Variants in THSD7A observed in about 807,000 individuals in gnomAD.
The protein encoded by THSD7A is thrombospondin type 1 domain containing 7A.
Under a neutral mutation model 231.3 loss-of-function variants are expected in THSD7A, and 96 were observed. The observed-to-expected ratio is 0.41, with a 90% CI of 0.35 to 0.49. The LOEUF (loss-of-function observed/expected upper bound fraction) is 0.49, where lower values mean the gene tolerates loss of function less well. THSD7A is among the 20% of genes least tolerant of loss of function. The probability of loss-of-function intolerance (pLI) is 0.05; values close to 1 mark genes in which losing one functional copy is unlikely to be tolerated. For missense variants in THSD7A, 2,290 were observed against 2,070.2 expected (o/e 1.11, Z -2.06); for synonymous variants, 940 against 743.3 (o/e 1.26, Z -4.30).
At chr7:11,397,477 A>G (rs145432951) in intron 23 of THSD7A, among the ~76,000 whole-genome samples, 2,424 of 152,328 alleles carry the variant, frequency 0.016, 25 homozygotes, top group Middle Eastern at 0.037. Flanking sequence ...AACCTAGGCA[A>G]TACTATTCAG....
At chr7:11,752,921 C>A (rs918710660) in intron 1 of THSD7A, among the ~76,000 whole-genome samples, 1 of 94,596 alleles carries the variant, frequency 1.1e-5, no homozygotes, top group African/African-American at 4.3e-5. Flanking sequence ...AGTGAGAGAC[C>A]CTGTCTCAGT....
At chr7:11,630,101 C>T (rs984806663) in intron 2 of THSD7A, among the ~76,000 whole-genome samples, 1 of 152,182 alleles carries the variant, frequency 6.6e-6, no homozygotes, top group South Asian at 2.1e-4. Context: ...GCCAGCTTCA[C>T]AACTGTTATA....
intron 6 of THSD7A, chr7:11,520,305 C>A (rs1178527949): frequency 2.0e-5 from 3 of 152,092 alleles, no homozygotes; most frequent in Non-Finnish European, 4.4e-5. Flanking sequence ...AATTATAAAT[C>A]CTTTGGAGGG....
At chr7:11,646,373 T>C (rs1256688114) in intron 1 of THSD7A, among the ~76,000 whole-genome samples, 2 of 152,022 alleles carry the variant, frequency 1.3e-5, no homozygotes, top group Non-Finnish European at 2.9e-5. Flanking sequence ...AAATTGTTGA[T>C]CATAACAAAC....
intron 1 of THSD7A, among the ~76,000 whole-genome samples, chr7:11,703,672 T>C (rs2128145722): frequency 6.6e-6 from 1 of 151,398 alleles, no homozygotes; most frequent in Non-Finnish European, 1.5e-5. Flanking sequence ...AAATGTACAA[T>C]GTGGTGTCTG....
chr7:11,778,818 C>T (rs12056149), intron 1 of THSD7A, among the ~76,000 whole-genome samples: 4,351 of 151,892 alleles, frequency 0.029, 79 homozygotes, highest in East Asian at 0.11. Flanking sequence ...AGAAATATAC[C>T]AATGTTTCTA....
chr7:11,500,244 G>T (rs1041336537), intron 6 of THSD7A, among the ~76,000 whole-genome samples: 1 of 152,124 alleles, frequency 6.6e-6, no homozygotes, highest in Non-Finnish European at 1.5e-5. Context: ...CTAAGTGAAA[G>T]AGAAATAAGA....
intron 2 of THSD7A, among the ~76,000 whole-genome samples, chr7:11,595,963 A>G (rs1298868270): frequency 6.6e-6 from 1 of 152,216 alleles, no homozygotes; most frequent in Non-Finnish European, 1.5e-5. Context: ...TAGAAGTGAA[A>G]TTGATAGGAA....
At chr7:11,489,472 C>T (rs1267236184) in intron 6 of THSD7A, among the ~76,000 whole-genome samples, 2 of 152,046 alleles carry the variant, frequency 1.3e-5, no homozygotes, top group Admixed American at 1.3e-4. Context: ...GCCAGTTTTG[C>T]AAACCAGGAA....
At chr7:11,642,496 A>G (rs1782122392) in intron 1 of THSD7A, among the ~76,000 whole-genome samples, 1 of 152,156 alleles carries the variant, frequency 6.6e-6, no homozygotes. Flanking sequence ...CACTTCTACA[A>G]TGTGGGTCAA....
intron 1 of THSD7A, among the ~76,000 whole-genome samples, chr7:11,696,484 T>C (rs1204252193): frequency 6.6e-6 from 1 of 151,434 alleles, no homozygotes; most frequent in Non-Finnish European, 1.5e-5. Flanking sequence ...GTTTGTTGCA[T>C]AGGTATACAT....
chr7:11,415,645 T>C (rs1252438331), intron 17 of THSD7A, among the ~76,000 whole-genome samples: 1 of 152,126 alleles, frequency 6.6e-6, no homozygotes, highest in African/African-American at 2.4e-5. Context: ...CTAACTAAAG[T>C]CTCACAGGAA....
intron 6 of THSD7A, among the ~76,000 whole-genome samples, chr7:11,491,313 C>G (rs17149863): frequency 6.6e-6 from 1 of 151,782 alleles, no homozygotes; most frequent in South Asian, 2.1e-4. Flanking sequence ...CTTTGGGCTT[C>G]AATTAAAAAT....
chr7:11,523,353 A>AC (rs1390824299), intron 6 of THSD7A, among the ~76,000 whole-genome samples: 1 of 151,954 alleles, frequency 6.6e-6, no homozygotes, highest in East Asian at 1.9e-4. Flanking sequence ...AAATCATACA[A>AC]CCCCATTTCT....
chr7:11,806,053 T>G lies in THSD7A; in HGVS notation c.190+25704A>C, dbSNP rs148367429. ...AAAGTAGTTCTAATTGTCACAGTTT[T>G]TTGACCTACAATGCTTATCTTTTCA... On this transcript the variant is annotated intron_variant, in intron 1 of 27. Coordinates refer to ENST00000423059, the MANE Select transcript of THSD7A (RefSeq NM_015204.3). Among the ~76,000 whole-genome samples, 342 of 152,280 alleles carry G rather than the reference T, an allele frequency of 2.2e-3. 1 individual carries two copies. Among genetic ancestry groups the G allele is most frequent in the Middle Eastern group, 0.02 (6 of 294 alleles).
At chr7:11,443,476 C>T (rs941631756) in intron 13 of THSD7A, among the ~76,000 whole-genome samples, 6 of 151,790 alleles carry the variant, frequency 4.0e-5, no homozygotes, top group Non-Finnish European at 8.8e-5. Context: ...ATTAAGTTCC[C>T]TTTACTTTTA....
chr7:11,433,929 T>C (rs371465123), intron 13 of THSD7A, among the ~76,000 whole-genome samples: 55 of 152,116 alleles, frequency 3.6e-4, no homozygotes, highest in African/African-American at 1.2e-3. Flanking sequence ...TGTTAAAAGA[T>C]AGATGCAAAT....
chr7:11,715,317 T>A (rs1400064348), intron 1 of THSD7A, among the ~76,000 whole-genome samples: 1 of 151,482 alleles, frequency 6.6e-6, no homozygotes, highest in Non-Finnish European at 1.5e-5. Context: ...CATGGAAGAC[T>A]ATTCTACAAG....
At chr7:11,664,355 T>C (rs1783042224) in intron 1 of THSD7A, among the ~76,000 whole-genome samples, 2 of 151,944 alleles carry the variant, frequency 1.3e-5, no homozygotes, top group Non-Finnish European at 2.9e-5. Context: ...GTGTTTTACT[T>C]ACTATACTTC....
Sources: gnomAD v4.1 joint callset for allele counts (sites outside exome capture counted in the v4.1 genomes callset) on GRCh38, gnomAD v4.1.1 for gene constraint, MANE v1.5 for transcripts, NCBI Gene and HGNC (gene_info 2026-07-23, HGNC 2026-07-21) for gene names.